Variants in PABPC4L observed in about 807,000 individuals in gnomAD.
The protein encoded by PABPC4L is polyadenylate-binding protein 4-like.
For missense variants in PABPC4L, 452 were observed against 451.4 expected (o/e 1.00, Z -0.01); for synonymous variants, 169 against 164.1 (o/e 1.03, Z -0.23).
At chr4:134,161,000 A>G in the PABPC4L span, among the ~76,000 whole-genome samples, 1 of 152,064 alleles carries the variant, frequency 6.6e-6, no homozygotes, top group Admixed American at 6.6e-5. Context: ...CAATTAATTC[A>G]AAATAGCTGT....
the PABPC4L span, among the ~76,000 whole-genome samples, chr4:134,080,338 C>G: frequency 6.6e-6 from 1 of 152,082 alleles, no homozygotes; most frequent in African/African-American, 2.4e-5. Flanking sequence ...GCTATTATAC[C>G]CAGAGCAATG....
the PABPC4L span, among the ~76,000 whole-genome samples, chr4:134,117,402 A>C: frequency 2.8e-4 from 42 of 151,904 alleles, no homozygotes; most frequent in African/African-American, 9.6e-4. Context: ...AGCCCTGATA[A>C]CTACATGGAA....
the PABPC4L span, among the ~76,000 whole-genome samples, chr4:134,182,217 C>T: frequency 0.03 from 4,596 of 152,038 alleles, 127 homozygotes; most frequent in Admixed American, 0.081. Flanking sequence ...AACTATACTA[C>T]AAGGCTATAG....
chr4:134,179,170 A>C, the PABPC4L span, among the ~76,000 whole-genome samples: 1 of 152,130 alleles, frequency 6.6e-6, no homozygotes, highest in South Asian at 2.1e-4. Flanking sequence ...TCACATACAA[A>C]GGAAATCCCA....
chr4:134,024,731 T>C, the PABPC4L span, among the ~76,000 whole-genome samples: 1 of 87,712 alleles, frequency 1.1e-5, no homozygotes, highest in Non-Finnish European at 2.1e-5. Flanking sequence ...AGATTCAATA[T>C]ATTTTTTAAA....
the PABPC4L span, among the ~76,000 whole-genome samples, chr4:134,043,515 A>G: frequency 5.9e-5 from 9 of 152,204 alleles, no homozygotes; most frequent in South Asian, 4.1e-4. Context: ...AAAGTAATGG[A>G]AAAAAACACA....
chr4:134,175,417 T>C, the PABPC4L span, among the ~76,000 whole-genome samples: 1 of 151,904 alleles, frequency 6.6e-6, no homozygotes, highest in Non-Finnish European at 1.5e-5. Flanking sequence ...TAATTTAATT[T>C]ATTTTTTAAA....
At chr4:133,972,528 G>A in the PABPC4L span, among the ~76,000 whole-genome samples, 1 of 152,010 alleles carries the variant, frequency 6.6e-6, no homozygotes, top group Admixed American at 6.6e-5. Flanking sequence ...TCAAGAAAGC[G>A]ACTTTACTCA....
the PABPC4L span, among the ~76,000 whole-genome samples, chr4:134,142,809 A>C: frequency 4.0e-5 from 6 of 151,658 alleles, no homozygotes; most frequent in African/African-American, 1.4e-4. Context: ...GTTTTGGTGC[A>C]GACAGGAAAA....
the PABPC4L span, among the ~76,000 whole-genome samples, chr4:134,008,429 T>C: frequency 6.6e-6 from 1 of 151,664 alleles, no homozygotes; most frequent in Non-Finnish European, 1.5e-5. Context: ...ATGCACACAA[T>C]GTGTCCAAAG....
the PABPC4L span, among the ~76,000 whole-genome samples, chr4:134,169,125 G>A: frequency 0.7 from 105,726 of 151,964 alleles, 38,128 homozygotes; most frequent in East Asian, 1. Flanking sequence ...GATTCTTCCC[G>A]TAAATGCAAG....
At chr4:134,032,568 T>C in the PABPC4L span, among the ~76,000 whole-genome samples, 1 of 151,858 alleles carries the variant, frequency 6.6e-6, no homozygotes, top group Non-Finnish European at 1.5e-5. Context: ...AATATGGTAA[T>C]GTGAAAATAT....
At chr4:134,109,781 T>C in the PABPC4L span, among the ~76,000 whole-genome samples, 1 of 151,916 alleles carries the variant, frequency 6.6e-6, no homozygotes, top group South Asian at 2.1e-4. Flanking sequence ...CGTCTTGCTC[T>C]GTCACTCAGG....
the PABPC4L span, among the ~76,000 whole-genome samples, chr4:134,137,096 G>A: frequency 6.6e-6 from 1 of 151,940 alleles, no homozygotes; most frequent in Admixed American, 6.6e-5. Context: ...CAATTTTTAT[G>A]TGATCTCAAT....
the PABPC4L span, among the ~76,000 whole-genome samples, chr4:134,120,318 G>T: frequency 6.9e-6 from 1 of 145,480 alleles, no homozygotes. Flanking sequence ...TTTTACCATG[G>T]TTTTAATTTA....
chr4:133,970,079 T>C, the PABPC4L span, among the ~76,000 whole-genome samples: 6 of 147,116 alleles, frequency 4.1e-5, no homozygotes, highest in East Asian at 9.8e-4. Context: ...TTAAAAAATA[T>C]ATATATTTAA....
chr4:134,063,487 T>C, the PABPC4L span, among the ~76,000 whole-genome samples: 1 of 151,996 alleles, frequency 6.6e-6, no homozygotes, highest in Admixed American at 6.6e-5. Flanking sequence ...CCTAAATTAA[T>C]ATGTATTTGA....
chr4:134,106,696 G>T, the PABPC4L span, among the ~76,000 whole-genome samples: 1 of 151,506 alleles, frequency 6.6e-6, no homozygotes, highest in Non-Finnish European at 1.5e-5. Flanking sequence ...GGATGAGAAA[G>T]TACATTATGG....
chr4:134,133,847 C>A, the PABPC4L span, among the ~76,000 whole-genome samples: 41 of 151,968 alleles, frequency 2.7e-4, no homozygotes, highest in African/African-American at 9.6e-4. Flanking sequence ...ATTAGAATTT[C>A]TTTGACTGGG....
Sources: allele counts gnomAD v4.1 joint callset (sites outside exome capture counted in the v4.1 genomes callset), GRCh38; gene constraint gnomAD v4.1.1; transcripts MANE v1.5; gene names NCBI Gene and HGNC (gene_info 2026-07-23, HGNC 2026-07-21).